Variants in IGSF21 observed in about 807,000 individuals in gnomAD.
IGSF21 encodes immunoglobin superfamily member 21.
In IGSF21, 28 loss-of-function variants were observed where a neutral mutation model predicts 46.8. The observed-to-expected ratio is 0.60, with a 90% confidence interval of 0.44 to 0.82. The LOEUF (loss-of-function observed/expected upper bound fraction) is 0.82, where lower values mean the gene tolerates loss of function less well. Ranked by LOEUF, IGSF21 falls within the 40% of genes least tolerant of loss-of-function variation. The pLI, the probability that IGSF21 is intolerant of heterozygous loss-of-function variation, is 0.00. For synonymous variants in IGSF21, 284 were observed against 273.6 expected, an observed-to-expected ratio of 1.04 and a Z score of -0.38; for missense variants, 624 against 665.5, an observed-to-expected ratio of 0.94 and a Z score of 0.69.
rs1397071241 is a variant in IGSF21, at chr1:18,337,882, G to A, written c.424+2872G>A. Among the ~76,000 whole-genome samples, 1 of 152,154 alleles carries A rather than the reference G, an allele frequency of 6.6e-6. No individual in the cohort carries two copies. The highest frequency in any genetic ancestry group is 1.5e-5 in the Non-Finnish European group (1 of 68,026). On this transcript the variant is annotated intron_variant, in intron 4 of 9. Transcript: ENST00000251296. This position sits in a 1 kb window ranked among gnomAD's most constrained non-coding sequence, Gnocchi z 5.7. Reference sequence around the variant, plus strand: ...ATGAAGAGACTGAGACCCAGGGAAGGGAATGAATTTGCTCCAGGCCTTATA... The same window carrying A: ...ATGAAGAGACTGAGACCCAGGGAAGAGAATGAATTTGCTCCAGGCCTTATA...
intron 1 of IGSF21, among the ~76,000 whole-genome samples, chr1:18,213,710 A>G (rs1047005491): frequency 1.3e-5 from 2 of 152,240 alleles, no homozygotes; most frequent in Non-Finnish European, 2.9e-5. Context: ...TGTACAAGAC[A>G]GAAGCTTCAG....
intron 3 of IGSF21, among the ~76,000 whole-genome samples, chr1:18,314,953 G>A (rs1325674460): frequency 6.6e-6 from 1 of 152,138 alleles, no homozygotes; most frequent in Non-Finnish European, 1.5e-5. Context: ...TGGAGGTGCA[G>A]GAGGGAAAGG....
intron 3 of IGSF21, among the ~76,000 whole-genome samples, chr1:18,320,047 C>A (rs1330849267): frequency 6.6e-6 from 1 of 152,208 alleles, no homozygotes; most frequent in Non-Finnish European, 1.5e-5. Context: ...GACCAGATAG[C>A]TATTGCCTTC....
chr1:18,209,474 A>G (rs2084367090), intron 1 of IGSF21, among the ~76,000 whole-genome samples: 1 of 149,834 alleles, frequency 6.7e-6, no homozygotes, highest in Non-Finnish European at 1.5e-5. Flanking sequence ...TTTTTTTTTT[A>G]GACAGAGTCT....
intron 2 of IGSF21, among the ~76,000 whole-genome samples, chr1:18,241,825 T>G (rs2084731442): frequency 6.6e-6 from 1 of 152,180 alleles, no homozygotes; most frequent in Admixed American, 6.5e-5. Context: ...ATTTTAGGGT[T>G]GGGGACATTG....
At chr1:18,129,958 C>A (rs755461867) in intron 1 of IGSF21, among the ~76,000 whole-genome samples, 3 of 152,180 alleles carry the variant, frequency 2.0e-5, no homozygotes, top group Non-Finnish European at 2.9e-5. Flanking sequence ...ATCTTTCCAG[C>A]CTCCAGAACC....
Position 18,365,685 on chromosome 1 carries a change from G to C in IGSF21, c.1003G>C (p.Glu335Gln). 1 of 1,612,490 alleles carries C rather than the reference G, an allele frequency of 6.2e-7. No homozygotes were observed. ...AGCTCTGTCGATGCCCATGCAGGCA[G>C]AGGTCACGCTGGGTAAGACTTGGTG... is the stretch of plus-strand genomic sequence containing the variant. The part of the protein sequence containing the change: ...HPALSMPMQA[E>Q]VTLVAPKGPK... Residue 335 changes from glutamate to glutamine, a missense_variant, in exon 6 of 10, where the codon GAG becomes CAG. Physicochemically the swap from Glu to Gln is conservative, Grantham distance 29. Transcript: ENST00000251296. The surrounding 1 kb of genome is among the most constrained non-coding windows in gnomAD (Gnocchi z 4.8).
intron 2 of IGSF21, among the ~76,000 whole-genome samples, chr1:18,272,131 C>T (rs2124546175): frequency 6.6e-6 from 1 of 152,280 alleles, no homozygotes; most frequent in East Asian, 1.9e-4. Flanking sequence ...TCCATGGCAG[C>T]AGACAAGAGA....
At chr1:18,177,299 T>A (rs762055703) in intron 1 of IGSF21, among the ~76,000 whole-genome samples, 2 of 40,916 alleles carry the variant, frequency 4.9e-5, no homozygotes, top group African/African-American at 9.0e-5. Flanking sequence ...CCAAGGTTTT[T>A]CCTTTGCCCC....
chr1:18,305,586 G>GATT (rs2085417644), intron 3 of IGSF21, among the ~76,000 whole-genome samples: 1 of 148,526 alleles, frequency 6.7e-6, no homozygotes. Flanking sequence ...ATTATGGATG[G>GATT]ATGGATGGAT....
chr1:18,335,655 C>A lies in IGSF21; in HGVS notation c.424+645C>A, dbSNP rs1209343462. Among the ~76,000 whole-genome samples, 1 of 152,182 alleles carries A rather than the reference C, an allele frequency of 6.6e-6. No individual in the cohort carries two copies. Among genetic ancestry groups the A allele is most frequent in the Non-Finnish European group, 1.5e-5 (1 of 68,044 alleles). On this transcript the variant is annotated intron_variant, in intron 4 of 9. Transcript: ENST00000251296. This position sits in a 1 kb window ranked among gnomAD's most constrained non-coding sequence, Gnocchi z 4.8. ...AGATACACACCTTTGGATTCTGGCT[C>A]TATTGCAAGGATGCTGGGGACTTGG... is the stretch of plus-strand genomic sequence containing the variant.
chr1:18,129,779 G>C (rs1201968517), intron 1 of IGSF21, among the ~76,000 whole-genome samples: 1 of 152,204 alleles, frequency 6.6e-6, no homozygotes, highest in Non-Finnish European at 1.5e-5. Context: ...CATTGTAGCA[G>C]TATTAAAAGG....
intron 1 of IGSF21, among the ~76,000 whole-genome samples, chr1:18,163,611 C>T (rs930076363): frequency 3.9e-5 from 6 of 152,194 alleles, no homozygotes; most frequent in Non-Finnish European, 8.8e-5. Flanking sequence ...TGAGATAAGC[C>T]TATGCTGTCC....
At chr1:18,314,298 T>TAA (rs1553162863) in intron 3 of IGSF21, among the ~76,000 whole-genome samples, 9 of 150,948 alleles carry the variant, frequency 6.0e-5, no homozygotes, top group South Asian at 2.1e-4. Flanking sequence ...TTTTTTTTTT[T>TAA]AAACAAAGAA....
chr1:18,316,632 T>C (rs2085545768), intron 3 of IGSF21, among the ~76,000 whole-genome samples: 1 of 152,226 alleles, frequency 6.6e-6, no homozygotes, highest in Admixed American at 6.5e-5. Context: ...GATAAGACCC[T>C]GATTTGATTT....
chr1:18,295,458 C>T, intron 3 of IGSF21, among the ~76,000 whole-genome samples: 1 of 152,172 alleles, frequency 6.6e-6, no homozygotes, highest in East Asian at 1.9e-4. Context: ...TACATCATTC[C>T]ACATTCTGCA....
intron 1 of IGSF21, among the ~76,000 whole-genome samples, chr1:18,130,444 C>G (rs1458698477): frequency 6.6e-6 from 1 of 152,184 alleles, no homozygotes; most frequent in Non-Finnish European, 1.5e-5. Flanking sequence ...TTTTCCTTAC[C>G]AGACCTCTGA....
chr1:18,289,915 A>G (rs2085250102), intron 2 of IGSF21, among the ~76,000 whole-genome samples: 1 of 152,150 alleles, frequency 6.6e-6, no homozygotes, highest in Non-Finnish European at 1.5e-5. Context: ...GGATGGGAAG[A>G]GGGTGCATGG....
Position 18,290,716 on chromosome 1 carries a change from G to T in IGSF21, c.184-1150G>T, listed in dbSNP as rs1188107511. ...CTGTGTCTAGGGCCAGTACTCCCAG[G>T]CAGGTGACAGGGGGACAGATTCACA... On this transcript the variant is annotated intron_variant, in intron 2 of 9. Coordinates refer to ENST00000251296, the MANE Select transcript of IGSF21 (RefSeq NM_032880.5). This position sits in a 1 kb window ranked among gnomAD's most constrained non-coding sequence, Gnocchi z 4.2. Among the ~76,000 whole-genome samples the T allele has an allele frequency of 6.6e-6, 1 of 152,262 alleles. No individual in the cohort carries two copies. The highest frequency in any genetic ancestry group is 1.9e-4 in the East Asian group (1 of 5,154).
Sources: gnomAD v4.1 joint callset for allele counts (sites outside exome capture counted in the v4.1 genomes callset) on GRCh38, gnomAD v4.1.1 for gene constraint, Gnocchi (gnomAD v3.1) non-coding constraint, MANE v1.5 for transcripts, NCBI Gene and HGNC (gene_info 2026-07-23, HGNC 2026-07-21) for gene names.